WDPCP: variants seen among roughly 807,000 people sequenced by gnomAD.
WDPCP encodes WD repeat containing planar cell polarity effector, also known as WD repeat-containing and planar cell polarity effector protein fritz homolog.
WDPCP carries 71 observed loss-of-function variants against 93.1 expected under a neutral mutation model. The ratio of observed to expected loss-of-function variants is 0.76; its 90% CI spans 0.63 to 0.93. WDPCP has a LOEUF of 0.93. Among genes scored for constraint, WDPCP ranks in the 40% least tolerant of loss-of-function variants. The probability of loss-of-function intolerance (pLI) is 0.00; values close to 1 mark genes in which losing one functional copy is unlikely to be tolerated. For synonymous variants in WDPCP, 315 were observed against 315.0 expected (o/e 1.00, Z 0.00); for missense variants, 844 against 887.4 (o/e 0.95, Z 0.62).
At chr2:63,513,132 C>G (rs2106104352) in intron 1 of WDPCP, among the ~76,000 whole-genome samples, 1 of 152,094 alleles carries the variant, frequency 6.6e-6, no homozygotes, top group South Asian at 2.1e-4. Context: ...TTAAAGAAGA[C>G]TTACACTTCT....
At chr2:63,127,247 G>A (rs906985859) in intron 17 of WDPCP, among the ~76,000 whole-genome samples, 10 of 149,908 alleles carry the variant, frequency 6.7e-5, no homozygotes, top group African/African-American at 2.2e-4. Context: ...TCAGCCTCCC[G>A]AGTAGCTGAG....
intron 6 of WDPCP, among the ~76,000 whole-genome samples, chr2:63,457,745 A>G (rs190711606): frequency 7.9e-5 from 12 of 152,336 alleles, no homozygotes; most frequent in African/African-American, 2.4e-4. Context: ...CATGTAATAA[A>G]ATTCAACACT....
chr2:63,791,205 C>G (rs1426478478), intron 2 of WDPCP, among the ~76,000 whole-genome samples: 1 of 152,124 alleles, frequency 6.6e-6, no homozygotes, highest in Non-Finnish European at 1.5e-5. Flanking sequence ...GTGGGGAATA[C>G]TTTAAAGGAT....
chr2:63,243,894 T>C (rs1189559557), intron 14 of WDPCP, among the ~76,000 whole-genome samples: 12 of 152,050 alleles, frequency 7.9e-5, no homozygotes, highest in Admixed American at 7.9e-4. Context: ...GAATGCTCCA[T>C]GCAACAACCA....
intron 2 of WDPCP, among the ~76,000 whole-genome samples, chr2:63,773,244 T>G (rs146984061): frequency 6.6e-6 from 1 of 152,042 alleles, no homozygotes. Flanking sequence ...TGTAATGGTA[T>G]ACTATATAGC....
In WDPCP at chr2:63,291,791, A is replaced by G. The variant is rs1485161376; in HGVS notation, c.1812+21457T>C. On this transcript the variant is annotated intron_variant, in intron 13 of 17. Transcript: ENST00000272321. ...GCCATTGCACTCCAGCCTGGGCAAC[A>G]GAGTGAGATTCTCTTACAAAAAAAA... Among the ~76,000 whole-genome samples, 3 of 149,158 alleles carry G rather than the reference A, an allele frequency of 2.0e-5. No homozygotes were observed. The East Asian group carries it at 5.9e-4, about 29-fold the overall frequency.
At chr2:63,692,405 AG>A (rs1474139277) in intron 2 of WDPCP, among the ~76,000 whole-genome samples, 1 of 152,218 alleles carries the variant, frequency 6.6e-6, no homozygotes, top group Admixed American at 6.5e-5. Context: ...AAATTTTAGA[AG>A]AAAATAGTTT....
At chr2:63,395,911 G>A (rs901123052) in intron 10 of WDPCP, among the ~76,000 whole-genome samples, 1 of 151,980 alleles carries the variant, frequency 6.6e-6, no homozygotes, top group African/African-American at 2.4e-5. Flanking sequence ...TGTATTTTTA[G>A]TACAGACAGG....
intron 14 of WDPCP, among the ~76,000 whole-genome samples, chr2:63,191,870 TAA>T (rs1242921091): frequency 6.6e-6 from 1 of 152,198 alleles, no homozygotes; most frequent in Non-Finnish European, 1.5e-5. Flanking sequence ...AGTGTCCAAA[TAA>T]AGTTTTATTG....
intron 2 of WDPCP, among the ~76,000 whole-genome samples, chr2:63,811,528 C>G (rs1231408460): frequency 2.0e-5 from 3 of 151,934 alleles, no homozygotes; most frequent in East Asian, 1.9e-4. Context: ...TGCCAACAAC[C>G]TGAGTGAACT....
intron 1 of WDPCP, among the ~76,000 whole-genome samples, chr2:63,574,353 G>A (rs1241477376): frequency 1.3e-5 from 2 of 152,216 alleles, no homozygotes; most frequent in South Asian, 4.1e-4. Context: ...AGATAGAAAA[G>A]AACCTACGTG....
chr2:63,345,145 T>C (rs1217888046), intron 12 of WDPCP, among the ~76,000 whole-genome samples: 1 of 152,210 alleles, frequency 6.6e-6, no homozygotes, highest in Non-Finnish European at 1.5e-5. Flanking sequence ...TAAACCGCAG[T>C]GTGGCATCTA....
chr2:63,776,613 G>A (rs2103960875), intron 2 of WDPCP, among the ~76,000 whole-genome samples: 1 of 137,280 alleles, frequency 7.3e-6, no homozygotes, highest in East Asian at 2.1e-4. Context: ...CCATGATTGT[G>A]CCATTACATT....
In WDPCP at chr2:63,255,259, C is replaced by T. The variant is rs1156479117; in HGVS notation, c.1915+4048G>A. ...GTCACAACTTCTACTTATCTTTATA[C>T]TAGAGCTTCTAGTCAGTGCAATAAT... is the stretch of plus-strand genomic sequence containing the variant. On this transcript the variant is annotated intron_variant, in intron 14 of 17. Transcript: ENST00000272321. 3.3e-5 allele frequency among the ~76,000 whole-genome samples: 5 copies of T among 152,202 alleles called. No individual in the cohort carries two copies. In the South Asian group the frequency reaches 6.2e-4, roughly 19 times the overall value.
chr2:63,526,403 C>T (rs544925260), intron 1 of WDPCP, among the ~76,000 whole-genome samples: 1 of 151,990 alleles, frequency 6.6e-6, no homozygotes, highest in African/African-American at 2.4e-5. Context: ...GAAGCAGTGG[C>T]AACTGTTTGA....
intron 14 of WDPCP, chr2:63,228,794 G>A (rs1678553610): frequency 6.6e-6 from 1 of 152,060 alleles, no homozygotes; most frequent in Non-Finnish European, 1.5e-5. Flanking sequence ...AGTATTCCAT[G>A]GTGTATATGT....
chr2:63,369,946 A>G (rs1469192400), intron 12 of WDPCP, among the ~76,000 whole-genome samples: 1 of 152,196 alleles, frequency 6.6e-6, no homozygotes, highest in Non-Finnish European at 1.5e-5. Flanking sequence ...AAAGGAAACC[A>G]GACTGCCAGA....
At chr2:63,782,618 G>T (rs959737185) in intron 2 of WDPCP, among the ~76,000 whole-genome samples, 3 of 152,104 alleles carry the variant, frequency 2.0e-5, no homozygotes, top group African/African-American at 7.2e-5. Context: ...ATGAGATATT[G>T]TCTTATACCA....
chr2:63,637,673 C>A (rs1224233699), intron 3 of WDPCP, among the ~76,000 whole-genome samples: 1 of 152,010 alleles, frequency 6.6e-6, no homozygotes, highest in African/African-American at 2.4e-5. Context: ...CCAGCAGATA[C>A]AGGAAAGGGT....
Sources: allele counts gnomAD v4.1 joint callset (sites outside exome capture counted in the v4.1 genomes callset), GRCh38; gene constraint gnomAD v4.1.1; transcripts MANE v1.5; gene names NCBI Gene and HGNC (gene_info 2026-07-23, HGNC 2026-07-21).